The following STK32B variants were observed in gnomAD, a reference collection of about 807,000 sequenced individuals.
STK32B encodes serine/threonine-protein kinase 32B.
STK32B carries 43 observed loss-of-function variants against 52.6 expected under a neutral mutation model. That is an observed-to-expected ratio of 0.82 (90% CI 0.64 to 1.05). The LOEUF (loss-of-function observed/expected upper bound fraction) is 1.05, where lower values mean the gene tolerates loss of function less well. Ranked by LOEUF, STK32B falls within the 50% of genes least tolerant of loss-of-function variation. The probability of loss-of-function intolerance (pLI) is 0.00; values close to 1 mark genes in which losing one functional copy is unlikely to be tolerated. For synonymous variants in STK32B, 238 were observed against 204.3 expected, an observed-to-expected ratio of 1.17 and a Z score of -1.41; for missense variants, 621 against 534.6, an observed-to-expected ratio of 1.16 and a Z score of -1.59.
intron 2 of STK32B, among the ~76,000 whole-genome samples, chr4:5,162,517 G>A (rs1718527894): frequency 6.6e-6 from 1 of 152,178 alleles, no homozygotes; most frequent in Non-Finnish European, 1.5e-5. Context: ...GATGCTCAGT[G>A]TGTTTGGCAT....
chr4:5,331,106 A>G, intron 3 of STK32B, 114 bp from the exon 4 acceptor site: 2 of 1,006,996 alleles, frequency 2.0e-6, no homozygotes, highest in Non-Finnish European at 2.9e-6. Context: ...GACTCAGGCA[A>G]CTCAGTGCCT....
intron 3 of STK32B, among the ~76,000 whole-genome samples, chr4:5,218,796 A>G (rs929866387): frequency 1.3e-5 from 2 of 152,200 alleles, no homozygotes; most frequent in African/African-American, 2.4e-5. Context: ...AAAACGGTCA[A>G]GTGTTCTCCT....
intron 3 of STK32B, among the ~76,000 whole-genome samples, chr4:5,323,618 T>C (rs536770213): frequency 1.6e-4 from 25 of 152,254 alleles, no homozygotes; most frequent in African/African-American, 5.5e-4. Flanking sequence ...CCCTCTACCC[T>C]CTGTCTTTTT....
chr4:5,159,686 AATATATATGAATATATATGAATAT>A (rs1718250076), intron 2 of STK32B, among the ~76,000 whole-genome samples: 2 of 59,154 alleles, frequency 3.4e-5, no homozygotes, highest in African/African-American at 6.5e-5. Flanking sequence ...TATATATATG[AATATATATGAATATATATGAATAT>A]ATATATGAAT....
intron 1 of STK32B, among the ~76,000 whole-genome samples, chr4:5,125,093 A>G (rs966356460): frequency 1.1e-4 from 17 of 152,160 alleles, no homozygotes; most frequent in Non-Finnish European, 2.4e-4. Context: ...ACCAGCAAAG[A>G]CACAGGGACC....
At chr4:5,435,396 G>A (rs1420668982) in intron 6 of STK32B, among the ~76,000 whole-genome samples, 3 of 152,102 alleles carry the variant, frequency 2.0e-5, no homozygotes, top group Non-Finnish European at 4.4e-5. Flanking sequence ...TATCACACAC[G>A]TGCCCCAGGG....
rs544002954 is a variant in STK32B at position 5,431,291 on chromosome 4, C to A, written c.562+14357C>A. ...CATTATAGCTTTTGGTTTTTTATAG[C>A]AAGTTCAATGGAAAATTCTAAATAA... On this transcript the variant is annotated intron_variant, in intron 6 of 11. Coordinates refer to ENST00000282908, the MANE Select transcript of STK32B (RefSeq NM_018401.3). Among the ~76,000 whole-genome samples, 5 of 152,260 alleles carry A rather than the reference C, an allele frequency of 3.3e-5. No homozygotes were observed. In the South Asian group the frequency reaches 1.0e-3, roughly 32 times the overall value.
chr4:5,393,142 C>G (rs1426649407), intron 4 of STK32B, among the ~76,000 whole-genome samples: 1 of 152,290 alleles, frequency 6.6e-6, no homozygotes, highest in East Asian at 1.9e-4. Context: ...GGTCAACAGC[C>G]AAGGTGAAGC....
intron 3 of STK32B, among the ~76,000 whole-genome samples, chr4:5,220,015 G>A (rs180693735): frequency 3.9e-5 from 6 of 152,234 alleles, no homozygotes; most frequent in African/African-American, 1.4e-4. Flanking sequence ...GTAATTATAA[G>A]GCTGTGGGCA....
chr4:5,416,814 C>G, intron 5 of STK32B, 31 bp from the exon 6 acceptor site: 2 of 1,604,538 alleles, frequency 1.2e-6, no homozygotes, highest in Non-Finnish European at 1.7e-6. Context: ...GCAGCCCACG[C>G]TAACTGGAGT....
At chr4:5,402,345 C>G (rs1345195492) in intron 5 of STK32B, among the ~76,000 whole-genome samples, 1 of 152,194 alleles carries the variant, frequency 6.6e-6, no homozygotes, top group Non-Finnish European at 1.5e-5. Context: ...TAGTGCTTTC[C>G]ACATGGGAGG....
intron 4 of STK32B, among the ~76,000 whole-genome samples, chr4:5,365,962 G>A (rs996802762): frequency 2.0e-5 from 3 of 152,226 alleles, no homozygotes; most frequent in Non-Finnish European, 4.4e-5. Flanking sequence ...GTTTACAGAT[G>A]TGCCTGAAGA....
intron 3 of STK32B, among the ~76,000 whole-genome samples, chr4:5,300,816 A>G (rs1017985831): frequency 1.3e-5 from 2 of 152,158 alleles, no homozygotes; most frequent in African/African-American, 2.4e-5. Flanking sequence ...AAAACATTAC[A>G]TGCTCATGGA....
chr4:5,368,337 C>T (rs1735009418), intron 4 of STK32B, among the ~76,000 whole-genome samples: 1 of 129,258 alleles, frequency 7.7e-6, no homozygotes, highest in African/African-American at 2.8e-5. Flanking sequence ...CAGTAACTCA[C>T]TAATCCTCAC....
intron 3 of STK32B, among the ~76,000 whole-genome samples, chr4:5,310,850 T>C (rs1465804853): frequency 6.6e-6 from 1 of 152,212 alleles, no homozygotes; most frequent in East Asian, 1.9e-4. Context: ...GATAGAGTAC[T>C]ATTTAGCCAT....
chr4:5,433,701 G>A (rs1348074644), intron 6 of STK32B, among the ~76,000 whole-genome samples: 1 of 152,186 alleles, frequency 6.6e-6, no homozygotes, highest in African/African-American at 2.4e-5. Flanking sequence ...CTGTCAGCTC[G>A]CAGGCTAGAT....
intron 4 of STK32B, among the ~76,000 whole-genome samples, chr4:5,333,791 A>G (rs1039894644): frequency 2.0e-5 from 3 of 151,388 alleles, no homozygotes; most frequent in Non-Finnish European, 4.4e-5. Context: ...AGTTGTAGAT[A>G]TGCGGCTTAT....
At chr4:5,142,895 A>G (rs1183068736) in intron 2 of STK32B, among the ~76,000 whole-genome samples, 1 of 152,176 alleles carries the variant, frequency 6.6e-6, no homozygotes, top group Non-Finnish European at 1.5e-5. Context: ...TCATCCAACC[A>G]TTTGAAGACT....
intron 3 of STK32B, among the ~76,000 whole-genome samples, chr4:5,250,984 A>T (rs1181341970): frequency 1.3e-5 from 2 of 152,170 alleles, no homozygotes; most frequent in Non-Finnish European, 2.9e-5. Context: ...ATAGTTTGCA[A>T]ATATTTTCTC....
Sources: gnomAD v4.1 joint callset for allele counts (sites outside exome capture counted in the v4.1 genomes callset) on GRCh38, gnomAD v4.1.1 for gene constraint, MANE v1.5 for transcripts, NCBI Gene and HGNC (gene_info 2026-07-23, HGNC 2026-07-21) for gene names.